PPARGC1B: variants seen among roughly 807,000 people sequenced by gnomAD.
PPARGC1B encodes the protein peroxisome proliferator-activated receptor gamma coactivator 1-beta.
In PPARGC1B, 34 loss-of-function variants were observed where a neutral mutation model predicts 101.6. The ratio of observed to expected loss-of-function variants is 0.33; its 90% CI spans 0.25 to 0.45. PPARGC1B has a LOEUF of 0.45. PPARGC1B is among the 20% of genes least tolerant of loss of function. The probability of loss-of-function intolerance (pLI) is 1.00; values close to 1 mark genes in which losing one functional copy is unlikely to be tolerated. For synonymous variants in PPARGC1B, 548 were observed against 539.3 expected (o/e 1.02, Z -0.22); for missense variants, 1,234 against 1,317.6 (o/e 0.94, Z 0.98).
At chr5:149,756,228 G>A (rs796269438) in intron 1 of PPARGC1B, among the ~76,000 whole-genome samples, 3 of 152,258 alleles carry the variant, frequency 2.0e-5, no homozygotes, top group African/African-American at 4.8e-5. Flanking sequence ...TTGAGAGGCC[G>A]GGACGGGTGG....
At chr5:149,770,446 T>C (rs1351452455) in intron 1 of PPARGC1B, among the ~76,000 whole-genome samples, 2 of 152,228 alleles carry the variant, frequency 1.3e-5, no homozygotes, top group Non-Finnish European at 2.9e-5. Flanking sequence ...GGGGAAGATG[T>C]GGGTGCCCAC....
intron 1 of PPARGC1B, among the ~76,000 whole-genome samples, chr5:149,732,012 A>T (rs1754500127): frequency 1.3e-5 from 2 of 151,040 alleles, no homozygotes; most frequent in Non-Finnish European, 2.9e-5. Flanking sequence ...CTCGAGATCG[A>T]GGGGAATGTG....
chr5:149,824,534 C>T (rs1758428974), intron 2 of PPARGC1B, among the ~76,000 whole-genome samples: 1 of 152,172 alleles, frequency 6.6e-6, no homozygotes, highest in East Asian at 1.9e-4. Context: ...TCCCATTTCA[C>T]AGGGAAAGGA....
At chr5:149,734,818 T>C (rs1200019614) in intron 1 of PPARGC1B, among the ~76,000 whole-genome samples, 2 of 152,246 alleles carry the variant, frequency 1.3e-5, no homozygotes, top group African/African-American at 2.4e-5. Flanking sequence ...CTTATTGTTT[T>C]AATGTGCATT....
chr5:149,853,963 T>G lies in PPARGC1B; in HGVS notation c.*6405T>G, dbSNP rs1250048561. ...GTTAGCATTGGCTTGGAGCATCTGC[T>G]TCTTCCAGAGGCAGCTGCTAATGTT... On this transcript the variant is annotated 3_prime_UTR_variant, in exon 12 of 12. Transcript: ENST00000309241. This position sits in a 1 kb window ranked among gnomAD's most constrained non-coding sequence, Gnocchi z 4.2. The G allele has an allele frequency of 1.3e-5, 2 of 152,172 alleles. No individual in the cohort carries two copies. The highest frequency in any genetic ancestry group is 2.9e-5 in the Non-Finnish European group (2 of 68,032). The allele number at this position is 152,172 out of a possible 1,614,324, so 9.4% of individuals were successfully genotyped here.
chr5:149,830,908 C>A, intron 4 of PPARGC1B, 25 bp downstream of exon 4: 1 of 1,510,436 alleles, frequency 6.6e-7, no homozygotes, highest in Non-Finnish European at 9.2e-7. Context: ...GCCCCCAAAT[C>A]TACCCCAGGT....
intron 1 of PPARGC1B, among the ~76,000 whole-genome samples, chr5:149,801,722 A>G (rs1376588537): frequency 6.6e-6 from 1 of 152,168 alleles, no homozygotes; most frequent in African/African-American, 2.4e-5. Flanking sequence ...GAGTAGAGGC[A>G]GGAGGCTATG....
At chr5:149,814,706 A>C (rs1474959010) in intron 1 of PPARGC1B, among the ~76,000 whole-genome samples, 1 of 152,256 alleles carries the variant, frequency 6.6e-6, no homozygotes, top group African/African-American at 2.4e-5. Flanking sequence ...ATTCTTTCTT[A>C]AGCAGGGAAT....
At chr5:149,828,194 G>A (rs768442653) in intron 3 of PPARGC1B, among the ~76,000 whole-genome samples, 7 of 152,136 alleles carry the variant, frequency 4.6e-5, no homozygotes, top group African/African-American at 7.2e-5. Flanking sequence ...CCAAAGCAGC[G>A]TGAAGCACCC....
At chr5:149,822,121 A>G (rs1474391812) in intron 2 of PPARGC1B, among the ~76,000 whole-genome samples, 1 of 152,102 alleles carries the variant, frequency 6.6e-6, no homozygotes, top group African/African-American at 2.4e-5. Flanking sequence ...CCTTTGCTAT[A>G]TTGTTCCTTT....
intron 1 of PPARGC1B, among the ~76,000 whole-genome samples, chr5:149,803,081 G>T (rs1031014670): frequency 6.6e-6 from 1 of 152,130 alleles, no homozygotes; most frequent in African/African-American, 2.4e-5. Flanking sequence ...CCCTGCCCAC[G>T]TGCTGACCCT....
chr5:149,820,551 A>G lies in PPARGC1B; in HGVS notation c.197A>G (p.Glu66Gly), dbSNP rs774577303. 1.2e-6 allele frequency: 2 copies of G among 1,613,962 alleles called. No homozygotes were observed. The highest frequency in any genetic ancestry group is 1.7e-5 in the Admixed American group (1 of 60,020). ...TCFGELQWCP[E>G]NSETEPNQYS... is the part of the protein sequence containing the mutation. ...TTTGGGGAGCTGCAGTGGTGCCCAG[A>G]GAACTCAGAGACTGAACCCAACCAG... The change falls in exon 2 of 12, where the codon GAG becomes GGG. Residue 66 changes from glutamate (E) to glycine (G), a missense_variant. By Grantham distance (98) the Glu-to-Gly change is moderately conservative (BLOSUM62 -2). Coordinates refer to ENST00000309241, the MANE Select transcript of PPARGC1B (RefSeq NM_133263.4).
chr5:149,732,682 C>T (rs1319415030), intron 1 of PPARGC1B: 1 of 407,754 alleles, frequency 2.5e-6, no homozygotes, highest in Non-Finnish European at 5.0e-6. Flanking sequence ...TTTGAGCCGC[C>T]CCTAGAAGGC....
At chr5:149,816,410 T>G (rs1561578005) in intron 1 of PPARGC1B, among the ~76,000 whole-genome samples, 1 of 152,230 alleles carries the variant, frequency 6.6e-6, no homozygotes, top group Non-Finnish European at 1.5e-5. Context: ...AGTTTCCATA[T>G]TTGCAAAGTG....
At position 149,826,813 on chromosome 5, in the gene PPARGC1B, C is replaced by G. The variant is rs149468899; in HGVS notation, c.393C>G (p.Pro131=). ...ALSCTSASPA[P]SSAPPSPAPE... ...CATGCACCTCAGCTTCGCCTGCCCC[C>G]TCATCTGCACCCCCCAGCCCTGCCC... Residue 131 remains proline (P), a synonymous_variant, in exon 3 of 12, where the codon CCC becomes CCG. Transcript: ENST00000309241. 1.0e-4 allele frequency: 163 copies of G among 1,613,974 alleles called. 2 individuals are homozygous for G. In the African/African-American group the frequency reaches 1.7e-3, roughly 17 times the overall value.
At chr5:149,755,425 A>G (rs1193783120) in intron 1 of PPARGC1B, among the ~76,000 whole-genome samples, 3 of 151,754 alleles carry the variant, frequency 2.0e-5, no homozygotes. Context: ...TTCATGGGTG[A>G]ACCCCTAAGA....
intron 7 of PPARGC1B, among the ~76,000 whole-genome samples, chr5:149,836,047 C>G (rs1001836974): frequency 1.3e-4 from 20 of 151,042 alleles, no homozygotes; most frequent in Admixed American, 1.1e-3. Flanking sequence ...ACCAACAAGC[C>G]TGTTTAATTT....
chr5:149,757,309 C>A (rs1755567810), intron 1 of PPARGC1B, among the ~76,000 whole-genome samples: 2 of 151,512 alleles, frequency 1.3e-5, no homozygotes, highest in African/African-American at 2.4e-5. Flanking sequence ...AAAATGGGAT[C>A]CAACGGGAAC....
rs760716923 is a variant in PPARGC1B, at chr5:149,830,783, T to G, written c.482T>G (p.Leu161Arg). The change falls in exon 4 of 12, where the codon CTG becomes CGG. Residue 161 changes from leucine to arginine, a missense_variant. Leu to Arg is a moderately radical substitution (Grantham distance 102, BLOSUM62 -2). This residue lies in a region of PPARGC1B where 734 missense variants were observed against 768.4 expected (regional missense o/e 0.96). Coordinates refer to ENST00000309241, the MANE Select transcript of PPARGC1B (RefSeq NM_133263.4). ...DELSLLQKLLLATSYPTSSSD... is the reference protein window; with the variant it reads ...DELSLLQKLLRATSYPTSSSD... ...TTCCCTCAGCTGCAGAAGCTCCTCC[T>G]GGCCACATCCTACCCAACATCAAGC... 9.3e-6 allele frequency: 15 copies of G among 1,613,918 alleles called. No homozygotes were observed. Among genetic ancestry groups the G allele is most frequent in the African/African-American group, 4.0e-5 (3 of 74,916 alleles).
Sources: gnomAD v4.1 joint callset for allele counts (sites outside exome capture counted in the v4.1 genomes callset) on GRCh38, gnomAD v4.1.1 for gene constraint, gnomAD v4.1.1 regional missense constraint, Gnocchi (gnomAD v3.1) non-coding constraint, MANE v1.5 for transcripts, NCBI Gene and HGNC (gene_info 2026-07-23, HGNC 2026-07-21) for gene names.